Variants in PSME4 observed in about 807,000 individuals in gnomAD.
PSME4 encodes the protein proteasome activator subunit 4, also known as proteasome activator complex subunit 4.
A neutral mutation model predicts 253.9 loss-of-function variants in PSME4; 89 were observed. The observed-to-expected ratio is 0.35, with a 90% CI of 0.30 to 0.42. The LOEUF is 0.42. PSME4 is among the 10% of genes least tolerant of loss of function. The probability of loss-of-function intolerance (pLI) is 1.00; values close to 1 mark genes in which losing one functional copy is unlikely to be tolerated. For synonymous variants in PSME4, 851 were observed against 759.2 expected (o/e 1.12, Z -1.99); for missense variants, 2,014 against 2,195.2 (o/e 0.92, Z 1.65).
At chr2:53,887,538 G>C in intron 39 of PSME4, 71 bp from the exon 40 acceptor site, 1 of 1,363,948 alleles carries the variant, frequency 7.3e-7, no homozygotes, top group Non-Finnish European at 1.0e-6. Flanking sequence ...CAAAAGTTAT[G>C]ACCCAATCAA....
intron 1 of PSME4, among the ~76,000 whole-genome samples, chr2:53,951,891 T>C (rs1475378625): frequency 6.6e-6 from 1 of 152,188 alleles, no homozygotes; most frequent in Non-Finnish European, 1.5e-5. Flanking sequence ...CGCACGTAGA[T>C]TAGTGAAGAC....
At chr2:53,893,569 G>A in intron 35 of PSME4, 105 bp downstream of exon 35, 1 of 1,546,170 alleles carries the variant, frequency 6.5e-7, no homozygotes, top group Admixed American at 2.2e-5. Context: ...TGCCATTTTA[G>A]ATCAAGGCAG....
chr2:53,887,161 T>A, intron 40 of PSME4, 98 bp downstream of exon 40: 1 of 1,083,236 alleles, frequency 9.2e-7, no homozygotes, highest in South Asian at 1.5e-5. Context: ...TTTTTCATTA[T>A]GTCTATTTTA....
Position 53,892,006 on chromosome 2 carries a change from T to C in PSME4, c.4191+802A>G, listed in dbSNP as rs553753014. On this transcript the variant is annotated intron_variant, in intron 36 of 46. Transcript: ENST00000404125. Reference sequence around the variant, plus strand: ...GACAAAATTTCCAGTGGCAGCACTGTTTTGATTTTATCAAAAAAAGCTTTA... The same window carrying C: ...GACAAAATTTCCAGTGGCAGCACTGCTTTGATTTTATCAAAAAAAGCTTTA... 2.6e-4 allele frequency among the ~76,000 whole-genome samples: 39 copies of C among 152,254 alleles called. No homozygotes were observed. The East Asian group carries it at 7.5e-3, about 29-fold the overall frequency.
chr2:53,893,823 T>C (rs774253637), intron 34 of PSME4, 24 bp from the exon 35 acceptor site: 19 of 1,561,936 alleles, frequency 1.2e-5, no homozygotes, highest in Non-Finnish European at 1.6e-5. Flanking sequence ...AAAAGAACAA[T>C]ATTCAGCGTT....
At position 53,970,879 on chromosome 2, in the gene PSME4, TG is replaced by T; in HGVS notation, c.-96del. Reference sequence around the variant, plus strand: ...CGCCTCCTCCGCGTCTTCGTCGCCCTGCGGCCGCTGGCGGCCCGTCGCCCTC... The same window carrying T: ...CGCCTCCTCCGCGTCTTCGTCGCCCTCGGCCGCTGGCGGCCCGTCGCCCTC... On this transcript the variant is annotated 5_prime_UTR_variant, in exon 1 of 47. Transcript: ENST00000404125. 2.7e-6 allele frequency: 3 copies of T among 1,121,896 alleles called. No homozygotes were observed. Among genetic ancestry groups the T allele is most frequent in the Admixed American group, 3.8e-5 (1 of 26,218 alleles). The allele number at this position is 1,121,896 out of a possible 1,614,324, so 69.5% of individuals were successfully genotyped here. A position where few individuals can be genotyped will look rare whatever the true frequency, so the allele number is the denominator to read the frequency against.
intron 26 of PSME4, among the ~76,000 whole-genome samples, chr2:53,906,373 T>C (rs1236297161): frequency 6.6e-6 from 1 of 152,224 alleles, no homozygotes; most frequent in Non-Finnish European, 1.5e-5. Context: ...TATTTGCAAT[T>C]TGAAAGCTGT....
At chr2:53,889,470 T>C (rs1679798700) in intron 37 of PSME4, among the ~76,000 whole-genome samples, 2 of 151,644 alleles carry the variant, frequency 1.3e-5, no homozygotes, top group African/African-American at 4.8e-5. Flanking sequence ...GACACAACCA[T>C]CCCCCCACCC....
chr2:53,890,159 G>C lies in PSME4; in HGVS notation c.4241C>G (p.Ser1414Cys), dbSNP rs1378618583. ...ATTATAAGTTTCTACGGTAATATTG[G>C]ACAGTGCTGTTCTAAGCAGAGGGCA... ...LLCPLLRTAL[S>C]NITVETYNDW... The change falls in exon 37 of 47, where the codon TCC becomes TGC. Residue 1414 changes from serine to cysteine, a missense_variant. Ser to Cys is a moderately radical substitution (Grantham distance 112, BLOSUM62 -1). Coordinates refer to ENST00000404125, the MANE Select transcript of PSME4 (RefSeq NM_014614.3). 1.9e-6 allele frequency: 3 copies of C among 1,613,814 alleles called. No individual in the cohort carries two copies. Among genetic ancestry groups the C allele is most frequent in the Non-Finnish European group, 1.7e-6 (2 of 1,179,918 alleles).
In PSME4 at chr2:53,967,767, T is replaced by G. The variant is rs971717599; in HGVS notation, c.242+2776A>C. ...ACACCTCTGATGTCCAGATTACGGG[T>G]GCACATTTCTGATCAGCAAGATAGT... is the stretch of plus-strand genomic sequence containing the variant. On this transcript the variant is annotated intron_variant, in intron 1 of 46. Coordinates refer to ENST00000404125, the MANE Select transcript of PSME4 (RefSeq NM_014614.3). 4.1e-5 allele frequency among the ~76,000 whole-genome samples: 6 copies of G among 146,290 alleles called. No individual in the cohort carries two copies. The East Asian group carries it at 1.0e-3, about 25-fold the overall frequency.
chr2:53,876,695 A>C lies in PSME4; in HGVS notation c.4816-940T>G, dbSNP rs1163450657. 9.6e-5 allele frequency among the ~76,000 whole-genome samples: 13 copies of C among 135,198 alleles called. No individual in the cohort carries two copies. In the South Asian group the frequency reaches 3.1e-3, roughly 33 times the overall value. The allele number at this position is 135,198 out of a possible 152,430, so 88.7% of individuals were successfully genotyped here. Reference sequence around the variant, plus strand: ...ATCATTATGAATTCCAACAAATCTGATGGCTGTAGCCACTGTCATTCTTTT... The same window carrying C: ...ATCATTATGAATTCCAACAAATCTGCTGGCTGTAGCCACTGTCATTCTTTT... On this transcript the variant is annotated intron_variant, in intron 41 of 46. Coordinates refer to ENST00000404125, the MANE Select transcript of PSME4 (RefSeq NM_014614.3).
At chr2:53,901,642 T>C in intron 27 of PSME4, 83 bp from the exon 28 acceptor site, 1 of 1,072,254 alleles carries the variant, frequency 9.3e-7, no homozygotes, top group Non-Finnish European at 1.3e-6. Flanking sequence ...ATGTATTGGT[T>C]TTAAATGAGT....
At chr2:53,869,310 G>A (rs559206263) in intron 44 of PSME4, 66 bp downstream of exon 44, 1 of 1,403,162 alleles carries the variant, frequency 7.1e-7, no homozygotes, top group African/African-American at 1.4e-5. Context: ...CAATAAATAT[G>A]AGTAAGCCTG....
chr2:53,951,557 C>A (rs1669997166), intron 1 of PSME4, among the ~76,000 whole-genome samples: 1 of 152,058 alleles, frequency 6.6e-6, no homozygotes, highest in South Asian at 2.1e-4. Context: ...ACTATGAGAC[C>A]AGCAAATATA....
intron 1 of PSME4, among the ~76,000 whole-genome samples, chr2:53,965,801 C>G (rs1286544430): frequency 6.6e-6 from 1 of 151,930 alleles, no homozygotes; most frequent in East Asian, 1.9e-4. Context: ...CCCCGAGTAG[C>G]TGGGACTACA....
chr2:53,956,211 C>T (rs1670229258), intron 1 of PSME4, among the ~76,000 whole-genome samples: 1 of 152,114 alleles, frequency 6.6e-6, no homozygotes, highest in Non-Finnish European at 1.5e-5. Flanking sequence ...TTTTTCAAAA[C>T]ACATTTTCAG....
chr2:53,888,621 T>G, intron 38 of PSME4, 100 bp downstream of exon 38: 1 of 740,062 alleles, frequency 1.4e-6, no homozygotes, highest in Non-Finnish European at 2.2e-6. Flanking sequence ...AGTAATTACT[T>G]CATCTAGACT....
chr2:53,867,743 A>G (rs1678641220), intron 44 of PSME4, among the ~76,000 whole-genome samples: 1 of 151,412 alleles, frequency 6.6e-6, no homozygotes, highest in Admixed American at 6.6e-5. Context: ...AATTGTACCT[A>G]GGCCAGTACA....
chr2:53,920,666 TAAGG>T (rs907958861), intron 18 of PSME4, among the ~76,000 whole-genome samples: 24 of 152,276 alleles, frequency 1.6e-4, no homozygotes, highest in Admixed American at 3.9e-4. Flanking sequence ...AGACATTAGA[TAAGG>T]AATATATACG....
Sources: allele counts gnomAD v4.1 joint callset (sites outside exome capture counted in the v4.1 genomes callset), GRCh38; gene constraint gnomAD v4.1.1; transcripts MANE v1.5; gene names NCBI Gene and HGNC (gene_info 2026-07-23, HGNC 2026-07-21).